LRBA: variants seen among roughly 807,000 people sequenced by gnomAD.
LRBA encodes the protein lipopolysaccharide-responsive and beige-like anchor protein.
A neutral mutation model predicts 330.0 loss-of-function variants in LRBA; 176 were observed. That is an observed-to-expected ratio of 0.53 (90% CI 0.47 to 0.60). LRBA has a LOEUF of 0.60. Ranked by LOEUF, LRBA falls within the 20% of genes least tolerant of loss-of-function variation. The pLI, the probability that LRBA is intolerant of heterozygous loss-of-function variation, is 0.00. For synonymous variants in LRBA, 1,230 were observed against 1,193.0 expected (o/e 1.03, Z -0.64); for missense variants, 3,259 against 3,444.8 (o/e 0.95, Z 1.35).
At chr4:150,772,399 T>C (rs887191050) in intron 34 of LRBA, among the ~76,000 whole-genome samples, 1 of 152,202 alleles carries the variant, frequency 6.6e-6, no homozygotes, top group Non-Finnish European at 1.5e-5. Context: ...TTTGGGCCAC[T>C]TCATGCAACT....
At chr4:150,401,028 G>A (rs1745389909) in intron 47 of LRBA, among the ~76,000 whole-genome samples, 1 of 152,178 alleles carries the variant, frequency 6.6e-6, no homozygotes, top group African/African-American at 2.4e-5. Flanking sequence ...AAGTCATTTG[G>A]ATGTTCCCTA....
intron 34 of LRBA, among the ~76,000 whole-genome samples, chr4:150,765,553 G>A (rs1240946621): frequency 6.6e-6 from 1 of 152,026 alleles, no homozygotes; most frequent in Non-Finnish European, 1.5e-5. Flanking sequence ...ATTTTGCTGT[G>A]AATGTAAAAC....
intron 52 of LRBA, among the ~76,000 whole-genome samples, chr4:150,309,639 G>C (rs796338706): frequency 2.2e-4 from 33 of 152,208 alleles, no homozygotes; most frequent in African/African-American, 7.7e-4. Flanking sequence ...ACTGAGCTCA[G>C]CTTGGTTTGT....
At chr4:150,996,665 A>G (rs1398856575) in intron 2 of LRBA, among the ~76,000 whole-genome samples, 1 of 152,242 alleles carries the variant, frequency 6.6e-6, no homozygotes, top group Non-Finnish European at 1.5e-5. Flanking sequence ...ATCACTCTTA[A>G]CAATGTTTCT....
At chr4:150,632,001 C>T (rs781495957) in intron 37 of LRBA, among the ~76,000 whole-genome samples, 17 of 152,070 alleles carry the variant, frequency 1.1e-4, no homozygotes, top group African/African-American at 3.6e-4. Context: ...GAGGCCAAGG[C>T]GGGTAGATCA....
intron 48 of LRBA, among the ~76,000 whole-genome samples, chr4:150,333,479 C>T (rs1734246123): frequency 1.3e-5 from 2 of 151,866 alleles, no homozygotes; most frequent in African/African-American, 4.8e-5. Context: ...AAGAAAGCTG[C>T]TGTAAGATTC....
At chr4:150,774,891 C>T (rs1003097378) in intron 34 of LRBA, among the ~76,000 whole-genome samples, 3 of 152,094 alleles carry the variant, frequency 2.0e-5, no homozygotes, top group Admixed American at 6.5e-5. Context: ...AACTTTTCTG[C>T]GTATACAGGT....
intron 2 of LRBA, among the ~76,000 whole-genome samples, chr4:150,947,187 C>G (rs1025032336): frequency 6.7e-6 from 1 of 150,014 alleles, no homozygotes; most frequent in Non-Finnish European, 1.5e-5. Flanking sequence ...ATCCATTTTA[C>G]GAAGCTACTA....
At chr4:150,816,213 A>G (rs1744571615) in intron 31 of LRBA, among the ~76,000 whole-genome samples, 2 of 151,946 alleles carry the variant, frequency 1.3e-5, no homozygotes, top group African/African-American at 2.4e-5. Context: ...ATTATTTCTG[A>G]TCTCAATATA....
intron 22 of LRBA, among the ~76,000 whole-genome samples, chr4:150,857,904 A>G (rs1259720639): frequency 6.6e-6 from 1 of 152,230 alleles, no homozygotes; most frequent in Non-Finnish European, 1.5e-5. Context: ...TGCAGGCATT[A>G]AAATTCATGT....
intron 34 of LRBA, among the ~76,000 whole-genome samples, chr4:150,762,535 A>G (rs1049524974): frequency 6.6e-6 from 1 of 151,878 alleles, no homozygotes; most frequent in Non-Finnish European, 1.5e-5. Context: ...AACAAAAAAT[A>G]TATATAATAA....
intron 22 of LRBA, among the ~76,000 whole-genome samples, chr4:150,864,928 G>C (rs1752488450): frequency 6.6e-6 from 1 of 152,068 alleles, no homozygotes; most frequent in East Asian, 1.9e-4. Context: ...GTGCCATCGT[G>C]CCTGGCCTCC....
chr4:150,418,958 A>G (rs952004473), intron 46 of LRBA, among the ~76,000 whole-genome samples: 1 of 152,150 alleles, frequency 6.6e-6, no homozygotes, highest in Non-Finnish European at 1.5e-5. Flanking sequence ...ATCTACAGTC[A>G]GCATTTTTTT....
intron 44 of LRBA, 55 bp downstream of exon 44, chr4:150,467,618 C>T (rs778163840): frequency 7.5e-6 from 8 of 1,069,664 alleles, no homozygotes; most frequent in Admixed American, 2.3e-5. Flanking sequence ...AAAGACAATC[C>T]AATTTATTTT....
intron 37 of LRBA, among the ~76,000 whole-genome samples, chr4:150,607,457 C>T (rs1405451874): frequency 1.3e-5 from 2 of 151,524 alleles, no homozygotes; most frequent in Non-Finnish European, 2.9e-5. Context: ...GATAAAGATG[C>T]TATTTAATTA....
At position 150,471,735 on chromosome 4, in the gene LRBA, T is replaced by C; in HGVS notation, c.6556A>G (p.Ile2186Val). ...AGCTGACGTGGACTAGCTAATGAAATACGTCTGCAAGAAAAAGAATTCAAT... is the reference window on the plus strand; with the variant it reads ...AGCTGACGTGGACTAGCTAATGAAACACGTCTGCAAGAAAAAGAATTCAAT... The part of the protein sequence containing the change: ...TSFGLPQTRR[I>V]SLASPRQLFK... The change falls in exon 43 of 57, where the codon ATT becomes GTT. Residue 2186 changes from isoleucine to valine, a missense_variant. Transcript: ENST00000651943. 2 of 1,455,142 alleles carry C rather than the reference T, an allele frequency of 1.4e-6. No homozygotes were observed. Among genetic ancestry groups the C allele is most frequent in the South Asian group, 1.2e-5 (1 of 84,442 alleles). The allele number at this position is 1,455,142 out of a possible 1,614,324, so 90.1% of individuals were successfully genotyped here.
At chr4:150,746,651 C>A (rs1732774639) in intron 35 of LRBA, among the ~76,000 whole-genome samples, 1 of 151,814 alleles carries the variant, frequency 6.6e-6, no homozygotes. Context: ...GCTGGGACTA[C>A]CAGAGCCCAC....
At position 150,908,695 on chromosome 4, in the gene LRBA, T is replaced by C. The variant is rs1731615409; in HGVS notation, c.1324A>G (p.Ile442Val). 2 of 1,613,906 alleles carry C rather than the reference T, an allele frequency of 1.2e-6. No individual in the cohort carries two copies. The highest frequency in any genetic ancestry group is 1.3e-5 in the African/African-American group (1 of 75,028). The part of the protein sequence containing the change: ...LESSPKDNPS[I>V]FVHSPHALML... ...AGTGCATGTGGTGAATGAACAAAAA[T>C]TGAAGGGTTGTCCTTAGGAGATGAT... is the stretch of plus-strand genomic sequence containing the variant. The change falls in exon 10 of 57, where the codon ATT becomes GTT. Residue 442 changes from isoleucine to valine, a missense_variant. Ile to Val is a conservative substitution (Grantham distance 29, BLOSUM62 3). Transcript: ENST00000651943.
intron 40 of LRBA, among the ~76,000 whole-genome samples, chr4:150,564,604 A>G (rs953677888): frequency 2.0e-5 from 3 of 152,218 alleles, no homozygotes; most frequent in South Asian, 4.1e-4. Flanking sequence ...CAGGCAACCT[A>G]CAGAATGGGG....
Sources: allele counts gnomAD v4.1 joint callset (sites outside exome capture counted in the v4.1 genomes callset), GRCh38; gene constraint gnomAD v4.1.1; transcripts MANE v1.5; gene names NCBI Gene and HGNC (gene_info 2026-07-23, HGNC 2026-07-21).